BACH2: variants seen among roughly 807,000 people sequenced by gnomAD.
The protein encoded by BACH2 is BACH transcriptional regulator 2.
A neutral mutation model predicts 61.8 loss-of-function variants in BACH2; 5 were observed. That is an observed-to-expected ratio of 0.08 (90% CI 0.04 to 0.17). The LOEUF is 0.17. BACH2 is among the 10% of genes least tolerant of loss of function. The probability of loss-of-function intolerance (pLI) is 1.00; values close to 1 mark genes in which losing one functional copy is unlikely to be tolerated. For synonymous variants in BACH2, 446 were observed against 440.1 expected (o/e 1.01, Z -0.17); for missense variants, 824 against 1,091.1 (o/e 0.76, Z 3.45).
At chr6:90,224,080 G>C (rs1297187007) in intron 3 of BACH2, among the ~76,000 whole-genome samples, 1 of 152,198 alleles carries the variant, frequency 6.6e-6, no homozygotes. Context: ...GTAAGGCACA[G>C]TTGTATTGGA....
chr6:89,979,244 C>T (rs1361346395), intron 6 of BACH2, among the ~76,000 whole-genome samples: 2 of 152,196 alleles, frequency 1.3e-5, no homozygotes, highest in Non-Finnish European at 2.9e-5. Flanking sequence ...CTCATTCTCA[C>T]CTAATACAAA....
intron 6 of BACH2, among the ~76,000 whole-genome samples, chr6:89,979,942 AG>A (rs1775860089): frequency 1.3e-5 from 2 of 152,240 alleles, no homozygotes; most frequent in South Asian, 4.1e-4. Context: ...TGTTTCAAGT[AG>A]TGCAAATATG....
At chr6:89,952,431 T>A (rs1165280954) in intron 6 of BACH2, among the ~76,000 whole-genome samples, 2 of 152,212 alleles carry the variant, frequency 1.3e-5, no homozygotes, top group Non-Finnish European at 2.9e-5. Flanking sequence ...CAGTTTCTAC[T>A]TGAGACTTTC....
chr6:90,064,819 G>T (rs1161865473), intron 5 of BACH2, among the ~76,000 whole-genome samples: 2 of 152,162 alleles, frequency 1.3e-5, no homozygotes, highest in African/African-American at 4.8e-5. Flanking sequence ...TGCATGCTTT[G>T]TACATCATTG....
intron 8 of BACH2, among the ~76,000 whole-genome samples, chr6:89,935,595 A>G (rs935011323): frequency 2.6e-5 from 4 of 152,248 alleles, no homozygotes; most frequent in African/African-American, 9.6e-5. Context: ...GCACTGAAAC[A>G]CAACGTGTTA....
chr6:90,155,459 G>A (rs1415151983), intron 4 of BACH2, among the ~76,000 whole-genome samples: 1 of 152,222 alleles, frequency 6.6e-6, no homozygotes, highest in Non-Finnish European at 1.5e-5. Flanking sequence ...AAGGGCTAGA[G>A]CAACTTCCCA....
rs191186580 is a variant in BACH2 at position 90,239,522 on chromosome 6, C to T, written c.-275+12991G>A. 4.3e-4 allele frequency among the ~76,000 whole-genome samples: 65 copies of T among 152,240 alleles called. No homozygotes were observed. The East Asian group carries it at 0.01, about 24-fold the overall frequency. On this transcript the variant is annotated intron_variant, in intron 3 of 8. Transcript: ENST00000257749. The stretch of plus-strand genomic sequence containing the variant: ...GAAACATTAAAAGAACATAGCCACC[C>T]TGTAAGGTGTTATAGGAGGATTCTC...
In BACH2 at chr6:89,983,448, C is replaced by T. The variant is rs187011290; in HGVS notation, c.243+25154G>A. On this transcript the variant is annotated intron_variant, in intron 6 of 8. Coordinates refer to ENST00000257749, the MANE Select transcript of BACH2 (RefSeq NM_021813.4). ...CTCTGGGAGGCAGAGGCAGGCAGAT[C>T]ACCTGAGGTCAGGAGTTCGAGACCA... 1.6e-3 allele frequency among the ~76,000 whole-genome samples: 237 copies of T among 152,302 alleles called. 2 individuals carry two copies. In the South Asian group the frequency reaches 0.025, roughly 16 times the overall value.
At chr6:89,956,036 A>C (rs1483878767) in intron 6 of BACH2, among the ~76,000 whole-genome samples, 1 of 152,254 alleles carries the variant, frequency 6.6e-6, no homozygotes, top group Non-Finnish European at 1.5e-5. Context: ...CTCTGCTCTA[A>C]GCAGACCCAT....
At chr6:90,291,614 A>C (rs1005954023) in intron 1 of BACH2, among the ~76,000 whole-genome samples, 7 of 82,852 alleles carry the variant, frequency 8.4e-5, no homozygotes, top group Non-Finnish European at 3.8e-5. Flanking sequence ...CATCACAAAC[A>C]AAAAAAAAAA....
At chr6:90,158,141 C>T (rs552212465) in intron 4 of BACH2, among the ~76,000 whole-genome samples, 4 of 152,058 alleles carry the variant, frequency 2.6e-5, no homozygotes, top group African/African-American at 9.6e-5. Context: ...CAAAAACTGT[C>T]CCCAGATGGA....
intron 5 of BACH2, among the ~76,000 whole-genome samples, chr6:90,061,611 G>A (rs141094303): frequency 2.0e-3 from 307 of 152,194 alleles, no homozygotes; most frequent in African/African-American, 7.1e-3. Context: ...TAACAAGTGA[G>A]AGTGCAGAGA....
chr6:89,992,160 CCTTT>C (rs1776610829), intron 6 of BACH2, among the ~76,000 whole-genome samples: 1 of 152,140 alleles, frequency 6.6e-6, no homozygotes, highest in African/African-American at 2.4e-5. Flanking sequence ...TCCTGTTTAT[CCTTT>C]CTGTTTCTTT....
Position 89,928,709 on chromosome 6 carries a change from C to T in BACH2, c.*3699G>A, listed in dbSNP as rs1358804606. 6.6e-6 allele frequency: 1 copy of T among 152,622 alleles called. No homozygotes were observed. Among genetic ancestry groups the T allele is most frequent in the African/African-American group, 2.4e-5 (1 of 41,396 alleles). The allele number at this position is 152,622 out of a possible 1,614,324, so 9.5% of individuals were successfully genotyped here. A position where few individuals can be genotyped will look rare whatever the true frequency, so the allele number is the denominator to read the frequency against. On this transcript the variant is annotated 3_prime_UTR_variant, in exon 9 of 9. Transcript: ENST00000257749. ...CCCGAATTATAGTGCATCTTAAAAG[C>T]AGCAAACCTTTAGAAAGACAGTTAA...
intron 5 of BACH2, among the ~76,000 whole-genome samples, chr6:90,055,930 T>C (rs1016676737): frequency 3.9e-5 from 6 of 152,126 alleles, no homozygotes; most frequent in African/African-American, 7.2e-5. Flanking sequence ...CTGAGAGATT[T>C]TGTCACCACC....
chr6:90,282,039 C>T lies in BACH2; in HGVS notation c.-445-10098G>A, dbSNP rs116932427. The stretch of plus-strand genomic sequence containing the variant: ...TTGATTTTTCATTGCCAAATAGTAT[C>T]ACAGTGTATAAATACCTCACAGCAA... On this transcript the variant is annotated intron_variant, in intron 1 of 8. Transcript: ENST00000257749. 6.6e-3 allele frequency among the ~76,000 whole-genome samples: 1,003 copies of T among 152,096 alleles called. 7 individuals carry two copies. The highest frequency in any genetic ancestry group is 9.8e-3 in the Non-Finnish European group (666 of 68,002).
chr6:90,091,498 G>A (rs1467897097), intron 4 of BACH2, among the ~76,000 whole-genome samples: 1 of 151,984 alleles, frequency 6.6e-6, no homozygotes, highest in African/African-American at 2.4e-5. Flanking sequence ...TACAGCCCCA[G>A]GTTCTTTTAG....
chr6:90,212,540 G>A (rs547796453), intron 3 of BACH2, among the ~76,000 whole-genome samples: 3 of 152,262 alleles, frequency 2.0e-5, no homozygotes, highest in East Asian at 1.9e-4. Context: ...GAGACCAGAC[G>A]TTTGCCATTC....
intron 3 of BACH2, among the ~76,000 whole-genome samples, chr6:90,207,014 T>C (rs879325628): frequency 3.9e-5 from 6 of 152,168 alleles, no homozygotes; most frequent in Non-Finnish European, 8.8e-5. Context: ...CATGTTTTCA[T>C]TCATGCTATT....
Sources: allele counts gnomAD v4.1 joint callset (sites outside exome capture counted in the v4.1 genomes callset), GRCh38; gene constraint gnomAD v4.1.1; transcripts MANE v1.5; gene names NCBI Gene and HGNC (gene_info 2026-07-23, HGNC 2026-07-21).